Variants in FNDC3B observed in about 807,000 individuals in gnomAD.
FNDC3B encodes the protein fibronectin type III domain-containing protein 3B.
A neutral mutation model predicts 151.5 loss-of-function variants in FNDC3B; 12 were observed. That is an observed-to-expected ratio of 0.08 (90% CI 0.05 to 0.13). The LOEUF (loss-of-function observed/expected upper bound fraction) is 0.13, where lower values mean the gene tolerates loss of function less well. Ranked by LOEUF, FNDC3B falls within the 10% of genes least tolerant of loss-of-function variation. FNDC3B has a pLI of 1.00. For missense variants in FNDC3B, 1,214 were observed against 1,505.3 expected (o/e 0.81, Z 3.20); for synonymous variants, 528 against 549.0 (o/e 0.96, Z 0.54).
intron 1 of FNDC3B, among the ~76,000 whole-genome samples, chr3:172,107,229 T>A (rs1263051847): frequency 6.6e-6 from 1 of 152,194 alleles, no homozygotes; most frequent in Non-Finnish European, 1.5e-5. Flanking sequence ...TGCGAGGGCC[T>A]GTGGTTGTTA....
chr3:172,396,586 G>T (rs754942250), intron 25 of FNDC3B, among the ~76,000 whole-genome samples: 3 of 152,158 alleles, frequency 2.0e-5, no homozygotes, highest in Non-Finnish European at 2.9e-5. Flanking sequence ...TAGGAACCAG[G>T]CCGCACAGCA....
At chr3:172,166,403 G>A (rs1029436157) in intron 3 of FNDC3B, among the ~76,000 whole-genome samples, 6 of 149,546 alleles carry the variant, frequency 4.0e-5, no homozygotes, top group South Asian at 2.1e-4. Context: ...TGTGTAGAGC[G>A]GTTTGACCTC....
intron 4 of FNDC3B, among the ~76,000 whole-genome samples, chr3:172,241,649 G>A (rs1164749714): frequency 1.3e-5 from 2 of 151,864 alleles, no homozygotes; most frequent in African/African-American, 4.8e-5. Flanking sequence ...CATGAGAACA[G>A]CATGGGAAAG....
chr3:172,175,877 T>C (rs907612025), intron 3 of FNDC3B, among the ~76,000 whole-genome samples: 1 of 152,220 alleles, frequency 6.6e-6, no homozygotes, highest in Admixed American at 6.5e-5. Context: ...GTTTGCACTA[T>C]GTGGATGGAA....
At chr3:172,324,227 C>T (rs1344702694) in intron 11 of FNDC3B, among the ~76,000 whole-genome samples, 8 of 151,898 alleles carry the variant, frequency 5.3e-5, no homozygotes, top group Non-Finnish European at 1.5e-5. Context: ...TTGGGAAGGG[C>T]TGATCTGATG....
rs879363297 is a variant in FNDC3B at position 172,397,665 on chromosome 3, A to AT, written c.*201dup. 352 of 279,344 alleles carry AT rather than the reference A, an allele frequency of 1.3e-3. No individual in the cohort carries two copies. Among genetic ancestry groups the AT allele is most frequent in the Middle Eastern group, 1.7e-3 (2 of 1,154 alleles). The allele number at this position is 279,344 out of a possible 1,614,324, so 17.3% of individuals were successfully genotyped here. On this transcript the variant is annotated 3_prime_UTR_variant, in exon 26 of 26. Transcript: ENST00000415807. ...CAAAACTAGGAAAAGGTTAAACTGG[A>AT]TTTTTTTTTTTAAAAAAAAGAAAAA...
intron 23 of FNDC3B, among the ~76,000 whole-genome samples, chr3:172,364,713 C>A (rs1029025005): frequency 2.3e-4 from 35 of 152,148 alleles, no homozygotes; most frequent in Non-Finnish European, 4.3e-4. Flanking sequence ...TTTAAATATG[C>A]CAGACAAAAA....
In FNDC3B at chr3:172,343,074, GT is replaced by G; in HGVS notation, c.2039del (p.Leu680TrpfsTer11). The G allele has an allele frequency of 6.2e-7, 1 of 1,613,174 alleles. No individual in the cohort carries two copies. Among genetic ancestry groups the G allele is most frequent in the Non-Finnish European group, 8.5e-7 (1 of 1,179,390 alleles). ...IAPGQCRPPR[V>X]LGRPKHKEVH... ...ACCAGGTCAATGTCGACCACCGAGG[GT>G]TTTGGGTAGACCAAAGCACAAAGAA... On this transcript the variant is annotated frameshift_variant, in exon 18 of 26. Transcript: ENST00000415807. LOFTEE classifies it high-confidence loss of function.
chr3:172,177,876 G>C (rs893553131), intron 3 of FNDC3B, among the ~76,000 whole-genome samples: 1 of 151,808 alleles, frequency 6.6e-6, no homozygotes, highest in South Asian at 2.1e-4. Context: ...ACAGGCCCCA[G>C]TGTGTGTTGT....
chr3:172,127,137 A>G (rs1032892850), intron 2 of FNDC3B: 3 of 454,322 alleles, frequency 6.6e-6, no homozygotes, highest in South Asian at 3.1e-5. Context: ...TGAGACTGTA[A>G]TTTTACTTAA....
intron 3 of FNDC3B, among the ~76,000 whole-genome samples, chr3:172,153,230 G>T (rs1256991005): frequency 6.6e-6 from 1 of 152,134 alleles, no homozygotes; most frequent in African/African-American, 2.4e-5. Flanking sequence ...GAGAAGAAGA[G>T]AAAATAATAA....
intron 25 of FNDC3B, among the ~76,000 whole-genome samples, chr3:172,392,348 A>C (rs1736052365): frequency 6.6e-6 from 1 of 152,268 alleles, no homozygotes; most frequent in Non-Finnish European, 1.5e-5. Flanking sequence ...CAAAAGCAAG[A>C]TAAATCTGGA....
chr3:172,062,622 A>G (rs931210597), intron 1 of FNDC3B, among the ~76,000 whole-genome samples: 2 of 151,882 alleles, frequency 1.3e-5, no homozygotes, highest in Non-Finnish European at 2.9e-5. Context: ...TCTCTTTATC[A>G]TTGTTTGATT....
At chr3:172,185,879 T>G (rs944755082) in intron 3 of FNDC3B, among the ~76,000 whole-genome samples, 1 of 152,188 alleles carries the variant, frequency 6.6e-6, no homozygotes, top group Admixed American at 6.5e-5. Flanking sequence ...GTCCAGTAAG[T>G]GTATTGAATT....
At chr3:172,052,005 A>AT (rs1716676252) in intron 1 of FNDC3B, among the ~76,000 whole-genome samples, 1 of 151,828 alleles carries the variant, frequency 6.6e-6, no homozygotes, top group Non-Finnish European at 1.5e-5. Flanking sequence ...TAAGGGAATT[A>AT]TTTTTTAAAA....
At chr3:172,340,850 T>C (rs1733273423) in intron 16 of FNDC3B, among the ~76,000 whole-genome samples, 1 of 152,210 alleles carries the variant, frequency 6.6e-6, no homozygotes. Flanking sequence ...CGTTTCATTA[T>C]GGTTTCCCAC....
chr3:172,116,627 A>G (rs1007033178), intron 2 of FNDC3B, among the ~76,000 whole-genome samples: 7 of 151,826 alleles, frequency 4.6e-5, no homozygotes, highest in African/African-American at 1.5e-4. Flanking sequence ...GTGCAATGGC[A>G]CGATCTCTGC....
At chr3:172,049,982 T>G (rs930945549) in intron 1 of FNDC3B, among the ~76,000 whole-genome samples, 1 of 152,204 alleles carries the variant, frequency 6.6e-6, no homozygotes, top group African/African-American at 2.4e-5. Flanking sequence ...AAAACCAAGT[T>G]ACAAAAGGGA....
At chr3:172,291,050 C>T (rs945843395) in intron 7 of FNDC3B, among the ~76,000 whole-genome samples, 10 of 152,058 alleles carry the variant, frequency 6.6e-5, no homozygotes, top group Admixed American at 1.3e-4. Context: ...GTTTCTGATC[C>T]AAGTACTATC....
Sources: allele counts gnomAD v4.1 joint callset (sites outside exome capture counted in the v4.1 genomes callset), GRCh38; gene constraint gnomAD v4.1.1; transcripts MANE v1.5; gene names NCBI Gene and HGNC (gene_info 2026-07-23, HGNC 2026-07-21).